GSK3B: variants seen among roughly 807,000 people sequenced by gnomAD.
GSK3B encodes glycogen synthase kinase-3 beta.
GSK3B carries 15 observed loss-of-function variants against 56.4 expected under a neutral mutation model. The observed-to-expected ratio is 0.27, with a 90% CI of 0.18 to 0.41. The LOEUF is 0.41. GSK3B is among the 10% of genes least tolerant of loss of function. GSK3B has a pLI of 1.00. For synonymous variants in GSK3B, 181 were observed against 188.9 expected, an observed-to-expected ratio of 0.96 and a Z score of 0.34; for missense variants, 300 against 513.4, an observed-to-expected ratio of 0.58 and a Z score of 4.02.
intron 7 of GSK3B, among the ~76,000 whole-genome samples, chr3:119,881,008 T>C (rs1382838092): frequency 6.6e-6 from 1 of 152,170 alleles, no homozygotes; most frequent in African/African-American, 2.4e-5. Flanking sequence ...AACAGAGAAA[T>C]TCTTATACCT....
In GSK3B at chr3:119,868,441, T is replaced by A. The variant is rs538170230; in HGVS notation, c.910-4836A>T. On this transcript the variant is annotated intron_variant, in intron 8 of 10. Transcript: ENST00000264235. Reference sequence around the variant, plus strand: ...TGACAGAGGCAATTTCTGCCCTACATGTCCTAGAATAGACTTTGTCCTTCA... The same window carrying A: ...TGACAGAGGCAATTTCTGCCCTACAAGTCCTAGAATAGACTTTGTCCTTCA... 5.3e-5 allele frequency among the ~76,000 whole-genome samples: 8 copies of A among 152,362 alleles called. No homozygotes were observed. The South Asian group carries it at 8.3e-4, about 16-fold the overall frequency.
chr3:120,049,145 G>GT (rs926371822), intron 1 of GSK3B, among the ~76,000 whole-genome samples: 2 of 152,084 alleles, frequency 1.3e-5, no homozygotes, highest in African/African-American at 4.8e-5. Flanking sequence ...ATCAGTATCT[G>GT]TACCTACTAT....
intron 9 of GSK3B, among the ~76,000 whole-genome samples, chr3:119,862,789 A>G (rs2056126038): frequency 6.6e-6 from 1 of 151,894 alleles, no homozygotes. Context: ...ATCAAGGAGA[A>G]AAGAAAACTG....
chr3:120,076,592 G>A (rs985856252), intron 1 of GSK3B, among the ~76,000 whole-genome samples: 6 of 151,972 alleles, frequency 3.9e-5, no homozygotes, highest in Non-Finnish European at 8.8e-5. Context: ...GAGACGGGCG[G>A]ATCACGAGGT....
At chr3:120,081,215 T>C (rs184915450) in intron 1 of GSK3B, among the ~76,000 whole-genome samples, 5 of 151,860 alleles carry the variant, frequency 3.3e-5, no homozygotes, top group African/African-American at 7.2e-5. Flanking sequence ...GTATACTCTA[T>C]GTCTCTTTCC....
rs1158869712 is a variant in GSK3B, at chr3:119,821,845, C to T, written c.*4943G>A. The T allele has an allele frequency of 5.9e-6, 1 of 170,434 alleles. No homozygotes were observed. Among genetic ancestry groups the T allele is most frequent in the Non-Finnish European group, 1.3e-5 (1 of 78,540 alleles). The allele number at this position is 170,434 out of a possible 1,614,324, so 10.6% of individuals were successfully genotyped here. A position where few individuals can be genotyped will look rare whatever the true frequency, so the allele number is the denominator to read the frequency against. ...TTCTGTATAACAAAGATTAATGTTTCCCTAATTAGAGGAATGGAAATGGTG... is the reference window on the plus strand; with the variant it reads ...TTCTGTATAACAAAGATTAATGTTTTCCTAATTAGAGGAATGGAAATGGTG... On this transcript the variant is annotated 3_prime_UTR_variant, in exon 11 of 11. Transcript: ENST00000264235.
At chr3:119,935,426 C>T (rs926415175) in intron 3 of GSK3B, among the ~76,000 whole-genome samples, 67 of 152,040 alleles carry the variant, frequency 4.4e-4, no homozygotes, top group African/African-American at 1.4e-3. Context: ...AAAAGAACAA[C>T]GACAACAAAA....
intron 1 of GSK3B, among the ~76,000 whole-genome samples, chr3:120,028,038 T>C (rs922856471): frequency 6.6e-6 from 1 of 152,200 alleles, no homozygotes; most frequent in African/African-American, 2.4e-5. Context: ...AGTTCTAAAA[T>C]TGAGTATAAT....
chr3:119,922,451 T>G (rs1290450521), intron 4 of GSK3B, among the ~76,000 whole-genome samples: 1 of 147,880 alleles, frequency 6.8e-6, no homozygotes, highest in South Asian at 2.1e-4. Context: ...TAGTGTATAT[T>G]ATATATACTA....
intron 3 of GSK3B, 44 bp downstream of exon 3, chr3:119,947,224 C>T: frequency 9.0e-7 from 1 of 1,105,400 alleles, no homozygotes; most frequent in South Asian, 1.3e-5. Context: ...AGAAAAATAA[C>T]AAATTTATCA....
chr3:119,944,541 G>A (rs2057081459), intron 3 of GSK3B, among the ~76,000 whole-genome samples: 1 of 151,990 alleles, frequency 6.6e-6, no homozygotes, highest in African/African-American at 2.4e-5. Flanking sequence ...GAAAAAGAAG[G>A]CAATAAATAT....
chr3:119,871,883 G>C (rs1007669530), intron 8 of GSK3B, among the ~76,000 whole-genome samples: 2 of 152,134 alleles, frequency 1.3e-5, no homozygotes, highest in Non-Finnish European at 2.9e-5. Context: ...TAAGAGATCA[G>C]CAGGCCTTAG....
intron 1 of GSK3B, among the ~76,000 whole-genome samples, chr3:120,047,858 TA>T (rs1421756309): frequency 6.6e-6 from 1 of 152,196 alleles, no homozygotes; most frequent in Non-Finnish European, 1.5e-5. Flanking sequence ...GTTCTGTACT[TA>T]ACTTGATCTG....
chr3:119,901,289 T>C (rs140629195), intron 7 of GSK3B, among the ~76,000 whole-genome samples: 2 of 152,288 alleles, frequency 1.3e-5, no homozygotes, highest in East Asian at 3.9e-4. Flanking sequence ...TTTTTACAAA[T>C]GCCGTGAAAA....
At chr3:119,848,270 G>A (rs1253729510) in intron 9 of GSK3B, among the ~76,000 whole-genome samples, 2 of 152,140 alleles carry the variant, frequency 1.3e-5, no homozygotes, top group Non-Finnish European at 2.9e-5. Flanking sequence ...TATTTAGCCT[G>A]TAAGTACTAA....
intron 10 of GSK3B, among the ~76,000 whole-genome samples, chr3:119,832,814 G>A (rs1388468498): frequency 6.6e-6 from 1 of 152,178 alleles, no homozygotes; most frequent in Non-Finnish European, 1.5e-5. Context: ...GTGAAACCAA[G>A]GGTAGAACCC....
chr3:120,028,786 C>T (rs78497202), intron 1 of GSK3B: 45,042 of 462,666 alleles, frequency 0.097, 2,640 homozygotes, highest in African/African-American at 0.17. Flanking sequence ...AGCGACCAGG[C>T]GTGGTCTCCG....
At chr3:119,934,710 G>T (rs2056977892) in intron 3 of GSK3B, among the ~76,000 whole-genome samples, 1 of 152,180 alleles carries the variant, frequency 6.6e-6, no homozygotes, top group South Asian at 2.1e-4. Context: ...ACTTTGCAGG[G>T]TCTGTCCATA....
chr3:119,888,891 C>T (rs1324240538), intron 7 of GSK3B, among the ~76,000 whole-genome samples: 1 of 152,068 alleles, frequency 6.6e-6, no homozygotes. Flanking sequence ...CCCTGGTCTC[C>T]TGCAGTACCC....
Sources: gnomAD v4.1 joint callset for allele counts (sites outside exome capture counted in the v4.1 genomes callset) on GRCh38, gnomAD v4.1.1 for gene constraint, MANE v1.5 for transcripts, NCBI Gene and HGNC (gene_info 2026-07-23, HGNC 2026-07-21) for gene names.